SDK1: variants seen among roughly 807,000 people sequenced by gnomAD.
SDK1 encodes the protein protein sidekick-1.
Under a neutral mutation model 245.5 loss-of-function variants are expected in SDK1, and 157 were observed. The ratio of observed to expected loss-of-function variants is 0.64; its 90% CI spans 0.56 to 0.73. The LOEUF is 0.73. SDK1 is among the 30% of genes least tolerant of loss of function. The probability of loss-of-function intolerance (pLI) is 0.00; values close to 1 mark genes in which losing one functional copy is unlikely to be tolerated. For synonymous variants in SDK1, 1,647 were observed against 1,278.5 expected, an observed-to-expected ratio of 1.29 and a Z score of -6.15; for missense variants, 3,583 against 3,002.3, an observed-to-expected ratio of 1.19 and a Z score of -4.52.
intron 4 of SDK1, among the ~76,000 whole-genome samples, chr7:3,760,792 G>A (rs1000691522): frequency 6.6e-6 from 1 of 152,192 alleles, no homozygotes; most frequent in Non-Finnish European, 1.5e-5. Context: ...ATATCATTAG[G>A]ATCATACGGC....
intron 5 of SDK1, among the ~76,000 whole-genome samples, chr7:3,931,434 C>G (rs1779974172): frequency 6.6e-6 from 1 of 152,192 alleles, no homozygotes; most frequent in Non-Finnish European, 1.5e-5. Flanking sequence ...CTCTGAGGTT[C>G]AAAACCTTAT....
chr7:4,122,340 G>A (rs1784119411), intron 25 of SDK1, among the ~76,000 whole-genome samples: 1 of 152,182 alleles, frequency 6.6e-6, no homozygotes, highest in Non-Finnish European at 1.5e-5. Flanking sequence ...GAGATGGGGA[G>A]GTGAAGGGGT....
chr7:3,702,008 G>T (rs1196044456), intron 4 of SDK1, among the ~76,000 whole-genome samples: 1 of 151,138 alleles, frequency 6.6e-6, no homozygotes, highest in African/African-American at 2.4e-5. Flanking sequence ...TACTTAAAGT[G>T]TGTTGGATTA....
At chr7:3,358,219 A>G (rs1324985783) in intron 1 of SDK1, among the ~76,000 whole-genome samples, 24 of 151,976 alleles carry the variant, frequency 1.6e-4, no homozygotes, top group Admixed American at 1.5e-3. Context: ...GCAGGGTTTC[A>G]CCATGTTGGC....
chr7:3,868,245 A>G (rs1037797524), intron 5 of SDK1, among the ~76,000 whole-genome samples: 2 of 152,236 alleles, frequency 1.3e-5, no homozygotes, highest in Non-Finnish European at 2.9e-5. Flanking sequence ...TAAACCTGTC[A>G]CCAATCATTG....
At chr7:3,969,523 A>G in intron 11 of SDK1, 99 bp downstream of exon 11, 1 of 827,560 alleles carries the variant, frequency 1.2e-6, no homozygotes. Flanking sequence ...TGGGCTTGCT[A>G]ATTTAATCAA....
In SDK1 at chr7:3,648,337, A is replaced by G. The variant is rs111669331; in HGVS notation, c.713+6232A>G. ...GCTTAATTGCAGGTTCTTGTGCTCA[A>G]ATTGCATCCTGTAGCCTACCTGACA... On this transcript the variant is annotated intron_variant, in intron 4 of 44. Transcript: ENST00000404826. 3.3e-5 allele frequency among the ~76,000 whole-genome samples: 5 copies of G among 152,324 alleles called. 1 individual carries two copies. The highest frequency in any genetic ancestry group is 1.2e-4 in the African/African-American group (5 of 41,578).
rs75769790 is a variant in SDK1, at chr7:3,489,066, T to C, written c.299-130014T>C. Reference sequence around the variant, plus strand: ...TAGAGTGCAATGTTGATTCATGGCTTGAGGGCCAGTCCAGGCTAGCGATAC... The same window carrying C: ...TAGAGTGCAATGTTGATTCATGGCTCGAGGGCCAGTCCAGGCTAGCGATAC... On this transcript the variant is annotated intron_variant, in intron 1 of 44. Coordinates refer to ENST00000404826, the MANE Select transcript of SDK1 (RefSeq NM_152744.4). Among the ~76,000 whole-genome samples the C allele has an allele frequency of 3.0e-3, 464 of 152,210 alleles. 4 individuals carry two copies. Among genetic ancestry groups the C allele is most frequent in the African/African-American group, 0.011 (446 of 41,510 alleles).
At chr7:4,261,732 C>G (rs1349267043) in intron 44 of SDK1, among the ~76,000 whole-genome samples, 1 of 152,160 alleles carries the variant, frequency 6.6e-6, no homozygotes, top group East Asian at 1.9e-4. Context: ...CTTTTACCCC[C>G]TCCCCAGTTC....
chr7:3,934,793 G>A (rs1780098649), intron 5 of SDK1, among the ~76,000 whole-genome samples: 1 of 152,180 alleles, frequency 6.6e-6, no homozygotes. Flanking sequence ...ACGTGCAATA[G>A]TGCACTGAGC....
chr7:3,510,776 C>G (rs1332740444), intron 1 of SDK1, among the ~76,000 whole-genome samples: 2 of 152,154 alleles, frequency 1.3e-5, no homozygotes, highest in African/African-American at 2.4e-5. Flanking sequence ...CTCTCAGTCT[C>G]TCCTACATCC....
intron 5 of SDK1, among the ~76,000 whole-genome samples, chr7:3,830,266 T>G (rs2115072435): frequency 6.6e-6 from 1 of 152,292 alleles, no homozygotes; most frequent in African/African-American, 2.4e-5. Flanking sequence ...GTCTCCCAAT[T>G]ATGCTGCGAT....
In SDK1 at chr7:4,156,302, T is replaced by G. The variant is rs144085194; in HGVS notation, c.4626-2146T>G. Among the ~76,000 whole-genome samples the G allele has an allele frequency of 4.6e-3, 699 of 152,196 alleles. 5 individuals carry two copies. The highest frequency in any genetic ancestry group is 0.016 in the African/African-American group (653 of 41,524). ...TATCACCCAGATGAGGCAAAGTAAC[T>G]CCTAGGATGCCAGGAACAGAGGGGA... On this transcript the variant is annotated intron_variant, in intron 30 of 44. Coordinates refer to ENST00000404826, the MANE Select transcript of SDK1 (RefSeq NM_152744.4).
chr7:3,689,281 G>A lies in SDK1; in HGVS notation c.713+47176G>A, dbSNP rs540577543. Reference sequence around the variant, plus strand: ...CCTGATGATTCACCTCTCCCACAAAGATGTCAGCCCGAGCCATTGGAGCCT... The same window carrying A: ...CCTGATGATTCACCTCTCCCACAAAAATGTCAGCCCGAGCCATTGGAGCCT... On this transcript the variant is annotated intron_variant, in intron 4 of 44. Transcript: ENST00000404826. 5.3e-5 allele frequency among the ~76,000 whole-genome samples: 8 copies of A among 152,252 alleles called. No individual in the cohort carries two copies. The South Asian group carries it at 1.7e-3, about 32-fold the overall frequency.
intron 4 of SDK1, among the ~76,000 whole-genome samples, chr7:3,743,107 G>T (rs548676766): frequency 2.0e-5 from 3 of 152,290 alleles, no homozygotes; most frequent in Middle Eastern, 6.8e-3. Flanking sequence ...TCAGGAATGC[G>T]ATAGGCCTTG....
intron 2 of SDK1, among the ~76,000 whole-genome samples, chr7:3,619,997 A>T (rs895328489): frequency 9.9e-5 from 15 of 152,222 alleles, no homozygotes; most frequent in African/African-American, 2.9e-4. Flanking sequence ...TCTGTGCAGG[A>T]TGGAGAACTA....
intron 22 of SDK1, among the ~76,000 whole-genome samples, chr7:4,091,147 T>C (rs1440402558): frequency 6.6e-6 from 1 of 152,072 alleles, no homozygotes; most frequent in Non-Finnish European, 1.5e-5. Context: ...ACTATCTTCT[T>C]TCCAGGACTT....
chr7:3,731,515 A>G (rs1040854152), intron 4 of SDK1, among the ~76,000 whole-genome samples: 1 of 152,182 alleles, frequency 6.6e-6, no homozygotes, highest in Non-Finnish European at 1.5e-5. Context: ...TTTCATGTTT[A>G]GTAGTGTCGC....
intron 5 of SDK1, among the ~76,000 whole-genome samples, chr7:3,927,855 T>C (rs897694809): frequency 1.2e-4 from 18 of 152,348 alleles, no homozygotes; most frequent in African/African-American, 4.3e-4. Flanking sequence ...TGAGGTTCTT[T>C]CCTAAGTTAA....
Sources: allele counts gnomAD v4.1 joint callset (sites outside exome capture counted in the v4.1 genomes callset), GRCh38; gene constraint gnomAD v4.1.1; transcripts MANE v1.5; gene names NCBI Gene and HGNC (gene_info 2026-07-23, HGNC 2026-07-21).